Variants in MEIS2 observed in about 807,000 individuals in gnomAD.
MEIS2 encodes homeobox protein Meis2.
MEIS2 carries 9 observed loss-of-function variants against 58.6 expected under a neutral mutation model. The observed-to-expected ratio is 0.15, with a 90% CI of 0.09 to 0.27. MEIS2 has a LOEUF of 0.27. Among genes scored for constraint, MEIS2 ranks in the 10% least tolerant of loss-of-function variants. The pLI is 1.00. For missense variants in MEIS2, 427 were observed against 635.0 expected (o/e 0.67, Z 3.52); for synonymous variants, 221 against 228.4 (o/e 0.97, Z 0.29).
At chr15:36,985,080 T>A (rs2060051846) in intron 8 of MEIS2, among the ~76,000 whole-genome samples, 2 of 152,156 alleles carry the variant, frequency 1.3e-5, no homozygotes, top group South Asian at 2.1e-4. Flanking sequence ...AATTTGTGAT[T>A]TTTTTCCCTC....
At chr15:37,005,590 G>T (rs1403545) in intron 8 of MEIS2, among the ~76,000 whole-genome samples, 17,701 of 151,976 alleles carry the variant, frequency 0.12, 1,730 homozygotes, top group Admixed American at 0.33. Flanking sequence ...TTGAGATAAG[G>T]TCTCCCTCTG....
intron 8 of MEIS2, among the ~76,000 whole-genome samples, chr15:36,958,152 A>T (rs951104745): frequency 2.0e-5 from 3 of 152,188 alleles, no homozygotes; most frequent in African/African-American, 7.2e-5. Context: ...AGAGATGTTA[A>T]TAATTGTCAG....
intron 11 of MEIS2, chr15:36,894,491 C>T: frequency 2.8e-6 from 1 of 356,460 alleles, no homozygotes. Context: ...AAAAGGCAGT[C>T]CCACCTGCTT....
chr15:37,030,820 T>A (rs1235880022), intron 8 of MEIS2, among the ~76,000 whole-genome samples: 1 of 150,248 alleles, frequency 6.7e-6, no homozygotes, highest in Non-Finnish European at 1.5e-5. Context: ...AAAAAAAAAT[T>A]ATAGAGATGG....
intron 9 of MEIS2, among the ~76,000 whole-genome samples, chr15:36,909,502 G>A (rs2056900187): frequency 6.6e-6 from 1 of 152,104 alleles, no homozygotes; most frequent in African/African-American, 2.4e-5. Flanking sequence ...CATTTTATAA[G>A]AGGCACAGCT....
At chr15:37,079,116 A>G (rs1407031381) in intron 7 of MEIS2, among the ~76,000 whole-genome samples, 1 of 152,142 alleles carries the variant, frequency 6.6e-6, no homozygotes, top group South Asian at 2.1e-4. Context: ...GCATTATTTT[A>G]AATTTTATTT....
intron 8 of MEIS2, among the ~76,000 whole-genome samples, chr15:36,977,663 G>A (rs368510495): frequency 3.2e-4 from 48 of 152,222 alleles, no homozygotes; most frequent in African/African-American, 9.9e-4. Context: ...AGCCACAAAA[G>A]GTCCAATGTG....
chr15:37,035,528 T>TTCTG (rs1445734691), intron 8 of MEIS2, among the ~76,000 whole-genome samples: 1 of 152,142 alleles, frequency 6.6e-6, no homozygotes, highest in African/African-American at 2.4e-5. Context: ...AGACCGCATG[T>TTCTG]TCTGTCTAAT....
chr15:37,001,622 T>C (rs2060731649), intron 8 of MEIS2, among the ~76,000 whole-genome samples: 2 of 152,200 alleles, frequency 1.3e-5, no homozygotes, highest in Non-Finnish European at 2.9e-5. Flanking sequence ...CCATTTCCAT[T>C]GCCCTAAGGT....
intron 9 of MEIS2, among the ~76,000 whole-genome samples, chr15:36,931,644 T>A (rs991006589): frequency 1.3e-5 from 2 of 152,140 alleles, no homozygotes; most frequent in African/African-American, 4.8e-5. Flanking sequence ...AAAATGCATA[T>A]GGGGTTGGGC....
chr15:37,043,680 C>CT (rs35502089), intron 7 of MEIS2, among the ~76,000 whole-genome samples: 5,240 of 112,966 alleles, frequency 0.046, 233 homozygotes, highest in African/African-American at 0.069. Flanking sequence ...CCGTCCCCTC[C>CT]TTTTTTTTTT....
At chr15:36,981,589 C>T (rs76800074) in intron 8 of MEIS2, among the ~76,000 whole-genome samples, 9,108 of 151,776 alleles carry the variant, frequency 0.06, 314 homozygotes, top group Non-Finnish European at 0.071. Context: ...TGTGTGTGTG[C>T]GTGCTTGCAT....
At chr15:37,091,197 A>G (rs1893470318) in intron 6 of MEIS2, among the ~76,000 whole-genome samples, 1 of 152,218 alleles carries the variant, frequency 6.6e-6, no homozygotes, top group East Asian at 1.9e-4. Context: ...GCTGAAAAGC[A>G]TAAGAGGATT....
At chr15:36,926,261 T>C (rs2057744827) in intron 9 of MEIS2, among the ~76,000 whole-genome samples, 1 of 152,106 alleles carries the variant, frequency 6.6e-6, no homozygotes, top group Non-Finnish European at 1.5e-5. Flanking sequence ...TTGTACATTA[T>C]GTAAGTCAGA....
At chr15:36,998,933 T>C (rs1418895375) in intron 8 of MEIS2, among the ~76,000 whole-genome samples, 1 of 152,236 alleles carries the variant, frequency 6.6e-6, no homozygotes, top group African/African-American at 2.4e-5. Flanking sequence ...ATTCTAACTA[T>C]ACATGACTAG....
chr15:36,951,557 G>A (rs928149898), intron 8 of MEIS2, among the ~76,000 whole-genome samples: 7 of 151,924 alleles, frequency 4.6e-5, no homozygotes, highest in Admixed American at 2.0e-4. Flanking sequence ...CTATAATAGC[G>A]TACATTATCC....
chr15:37,051,211 C>A (rs965569061), intron 7 of MEIS2, among the ~76,000 whole-genome samples: 5 of 152,118 alleles, frequency 3.3e-5, no homozygotes, highest in Admixed American at 3.3e-4. Flanking sequence ...TTAGTTATTT[C>A]TTTTCTTAAA....
intron 3 of MEIS2, 39 bp from the exon 4 acceptor site, chr15:37,095,653 T>C (rs1245994980): frequency 1.2e-6 from 2 of 1,613,876 alleles, no homozygotes; most frequent in African/African-American, 2.7e-5. Flanking sequence ...GATCACCCCA[T>C]TTAAAATAAG....
Position 37,003,461 on chromosome 15 carries a change from T to TA in MEIS2, c.900+33352dup, listed in dbSNP as rs796093322. On this transcript the variant is annotated intron_variant, in intron 8 of 11. Coordinates refer to ENST00000561208, the MANE Select transcript of MEIS2 (RefSeq NM_170675.5). ...AATTTAGAAGAGAGGGAAGGCAAAG[T>TA]AAAAAAAAAATCAATAAAAGGCAAG... Among the ~76,000 whole-genome samples the TA allele has an allele frequency of 8.4e-4, 125 of 149,104 alleles. 2 individuals are homozygous for TA. The highest frequency in any genetic ancestry group is 2.5e-3 in the African/African-American group (102 of 40,730).
Sources: gnomAD v4.1 joint callset for allele counts (sites outside exome capture counted in the v4.1 genomes callset) on GRCh38, gnomAD v4.1.1 for gene constraint, MANE v1.5 for transcripts, NCBI Gene and HGNC (gene_info 2026-07-23, HGNC 2026-07-21) for gene names.